Variants in DNER observed in about 807,000 individuals in gnomAD.
DNER encodes delta and Notch-like epidermal growth factor-related receptor.
Under a neutral mutation model 78.2 loss-of-function variants are expected in DNER, and 33 were observed. The ratio of observed to expected loss-of-function variants is 0.42; its 90% confidence interval spans 0.32 to 0.56. DNER has a LOEUF of 0.56. DNER is among the 20% of genes least tolerant of loss of function. DNER has a pLI of 0.11. For missense variants in DNER, 918 were observed against 975.3 expected (o/e 0.94, Z 0.78); for synonymous variants, 417 against 384.8 (o/e 1.08, Z -0.98).
intron 1 of DNER, among the ~76,000 whole-genome samples, chr2:229,661,216 C>A (rs1699004922): frequency 6.6e-6 from 1 of 151,996 alleles, no homozygotes; most frequent in African/African-American, 2.4e-5. Flanking sequence ...GAGTAGTAAT[C>A]CATAATTGTG....
In DNER at chr2:229,407,236, A is replaced by G; in HGVS notation, c.1719T>C (p.Phe573=). 1 of 1,607,320 alleles carries G rather than the reference A, an allele frequency of 6.2e-7. No individual in the cohort carries two copies. Among genetic ancestry groups the G allele is most frequent in the Non-Finnish European group, 8.5e-7 (1 of 1,174,394 alleles). The change falls in exon 10 of 13, where the codon TTT becomes TTC. Residue 573 remains phenylalanine (F), a synonymous_variant. Transcript: ENST00000341772. ...TCAGTCCCTGGAATCACTTGCCTGT[A>G]AACCCGGGTGCACAGATGCACGTGC... ...LNGTCICAPG[F]TGEECDIDIN...
At chr2:229,707,480 C>A (rs577383290) in intron 1 of DNER, among the ~76,000 whole-genome samples, 1 of 152,332 alleles carries the variant, frequency 6.6e-6, no homozygotes, top group East Asian at 1.9e-4. Context: ...TCTTCATGTG[C>A]TTTCCTTCTC....
intron 1 of DNER, among the ~76,000 whole-genome samples, chr2:229,608,174 T>C (rs887135786): frequency 1.3e-5 from 2 of 152,194 alleles, no homozygotes; most frequent in African/African-American, 4.8e-5. Flanking sequence ...ATGGATTTTG[T>C]AGGACAATGT....
intron 5 of DNER, among the ~76,000 whole-genome samples, chr2:229,517,209 T>C (rs936040579): frequency 4.6e-5 from 7 of 152,062 alleles, no homozygotes; most frequent in Non-Finnish European, 1.0e-4. Context: ...TCAACCAATG[T>C]GTATTAAGCA....
intron 2 of DNER, among the ~76,000 whole-genome samples, chr2:229,589,960 A>G (rs80310040): frequency 0.015 from 2,311 of 152,150 alleles, 60 homozygotes; most frequent in African/African-American, 0.052. Flanking sequence ...AAGAAAATAA[A>G]AGGAGAAATG....
chr2:229,707,027 T>C (rs1699838756), intron 1 of DNER, among the ~76,000 whole-genome samples: 1 of 152,092 alleles, frequency 6.6e-6, no homozygotes. Flanking sequence ...TGTGTTTTTT[T>C]TCCCCCGAGA....
At chr2:229,688,186 A>T (rs1699517302) in intron 1 of DNER, among the ~76,000 whole-genome samples, 3 of 152,232 alleles carry the variant, frequency 2.0e-5, no homozygotes, top group Admixed American at 6.5e-5. Flanking sequence ...TGGTCCGCCC[A>T]CAGGGACACA....
At chr2:229,410,090 G>A (rs528906714) in intron 9 of DNER, among the ~76,000 whole-genome samples, 8 of 152,128 alleles carry the variant, frequency 5.3e-5, no homozygotes, top group African/African-American at 1.7e-4. Flanking sequence ...TTTCCTCTGA[G>A]GAGTCACCTT....
At chr2:229,710,459 A>G (rs552645068) in intron 1 of DNER, among the ~76,000 whole-genome samples, 2 of 152,110 alleles carry the variant, frequency 1.3e-5, no homozygotes, top group Non-Finnish European at 2.9e-5. Context: ...TCTGTACTTC[A>G]TCTATAAAAT....
At chr2:229,680,640 T>C (rs2216249) in intron 1 of DNER, among the ~76,000 whole-genome samples, 33,613 of 152,194 alleles carry the variant, frequency 0.22, 3,884 homozygotes, top group East Asian at 0.37. Context: ...CTTCATGCCC[T>C]TTTAAGCAGT....
chr2:229,449,971 G>A (rs554281549), intron 7 of DNER, among the ~76,000 whole-genome samples: 6 of 152,068 alleles, frequency 3.9e-5, no homozygotes, highest in South Asian at 4.1e-4. Flanking sequence ...TAGTTGAGAC[G>A]GGGCTTTACC....
chr2:229,586,305 T>C (rs144307995), intron 3 of DNER, among the ~76,000 whole-genome samples: 162 of 151,864 alleles, frequency 1.1e-3, no homozygotes, highest in Non-Finnish European at 1.7e-3. Context: ...AATCCTTCCA[T>C]AGCCACACAA....
intron 7 of DNER, among the ~76,000 whole-genome samples, chr2:229,464,356 G>T (rs945456306): frequency 3.3e-5 from 5 of 152,018 alleles, no homozygotes; most frequent in African/African-American, 1.2e-4. Flanking sequence ...AATATCTTAA[G>T]GACTTTTTCT....
intron 1 of DNER, chr2:229,701,750 G>A (rs1699749258): frequency 1.3e-5 from 2 of 152,266 alleles, no homozygotes; most frequent in African/African-American, 2.4e-5. Flanking sequence ...ACCCCACAAT[G>A]GTCGGACCCA....
chr2:229,487,053 C>T (rs1695291305), intron 6 of DNER, among the ~76,000 whole-genome samples: 1 of 152,142 alleles, frequency 6.6e-6, no homozygotes, highest in Non-Finnish European at 1.5e-5. Flanking sequence ...ACACATATAA[C>T]GCAAATTACA....
At chr2:229,436,983 A>T (rs542350470) in intron 8 of DNER, among the ~76,000 whole-genome samples, 1 of 152,248 alleles carries the variant, frequency 6.6e-6, no homozygotes, top group African/African-American at 2.4e-5. Flanking sequence ...ACATGCCCCA[A>T]TTAAAAGGCA....
At chr2:229,373,031 A>G (rs368623416) in intron 11 of DNER, among the ~76,000 whole-genome samples, 1 of 152,198 alleles carries the variant, frequency 6.6e-6, no homozygotes, top group East Asian at 1.9e-4. Flanking sequence ...AATTCTGGAC[A>G]TGGGCTTTGG....
At chr2:229,697,096 A>C (rs1303205998) in intron 1 of DNER, among the ~76,000 whole-genome samples, 1 of 152,256 alleles carries the variant, frequency 6.6e-6, no homozygotes, top group African/African-American at 2.4e-5. Flanking sequence ...GAACAATTCA[A>C]ATGTCCATCA....
chr2:229,626,139 G>A (rs1371747636), intron 1 of DNER, among the ~76,000 whole-genome samples: 2 of 151,944 alleles, frequency 1.3e-5, no homozygotes, highest in African/African-American at 2.4e-5. Flanking sequence ...CAAGATGGTC[G>A]CGATCTCCCG....
Sources: allele counts gnomAD v4.1 joint callset (sites outside exome capture counted in the v4.1 genomes callset), GRCh38; gene constraint gnomAD v4.1.1; transcripts MANE v1.5; gene names NCBI Gene and HGNC (gene_info 2026-07-23, HGNC 2026-07-21).